MID1: variants seen among roughly 807,000 people sequenced by gnomAD.
The protein encoded by MID1 is E3 ubiquitin-protein ligase Midline-1.
MID1 carries 7 observed loss-of-function variants against 40.4 expected under a neutral mutation model. The observed-to-expected ratio is 0.17, with a 90% CI of 0.10 to 0.33. The LOEUF (loss-of-function observed/expected upper bound fraction) is 0.33. Among genes scored for constraint, MID1 ranks in the 10% least tolerant of loss-of-function variants. The probability of loss-of-function intolerance (pLI) is 1.00; values close to 1 mark genes in which losing one functional copy is unlikely to be tolerated. For missense variants in MID1, 367 were observed against 558.5 expected (o/e 0.66, Z 3.46); for synonymous variants, 229 against 221.2 (o/e 1.04, Z -0.31).
At chrX:10,720,806 C>T (rs1367781928) in intron 1 of MID1, among the ~76,000 whole-genome samples, 2 of 110,019 alleles carry the variant, frequency 1.8e-5, no homozygotes, top group East Asian at 5.6e-4. Flanking sequence ...CCCAAATGTC[C>T]AACAATGATA....
At chrX:10,682,178 T>C (rs1277061888) in intron 1 of MID1, among the ~76,000 whole-genome samples, 1 of 111,307 alleles carries the variant, frequency 9.0e-6, no homozygotes, top group Non-Finnish European at 1.9e-5. Context: ...ATTTCTGTGA[T>C]GGGATTGCAA....
At chrX:10,817,610 T>C (rs746251997) in intron 1 of MID1, among the ~76,000 whole-genome samples, 4 of 104,817 alleles carry the variant, frequency 3.8e-5, no homozygotes. Flanking sequence ...CTTTTCTTTT[T>C]TCTTTCTTTC....
intron 1 of MID1, among the ~76,000 whole-genome samples, chrX:10,728,470 T>C (rs2043415198): frequency 8.9e-6 from 1 of 112,361 alleles, no homozygotes; most frequent in African/African-American, 3.2e-5. Context: ...AAAGGCATTT[T>C]GTTCCAGTCT....
chrX:10,552,606 A>C (rs754548006), intron 2 of MID1, among the ~76,000 whole-genome samples: 1 of 110,186 alleles, frequency 9.1e-6, no homozygotes, highest in Non-Finnish European at 1.9e-5. Flanking sequence ...TTTTTTTTCA[A>C]ATATTTTTGA....
intron 1 of MID1, among the ~76,000 whole-genome samples, chrX:10,597,038 CAA>C (rs907967511): frequency 7.7e-5 from 8 of 103,391 alleles, no homozygotes; most frequent in African/African-American, 2.1e-4. Context: ...ATGTTGAAGG[CAA>C]AAAAAAAGAG....
At chrX:10,481,920 G>A (rs187540061) in intron 5 of MID1, among the ~76,000 whole-genome samples, 323 of 112,101 alleles carry the variant, frequency 2.9e-3, no homozygotes, top group Non-Finnish European at 5.1e-3. Flanking sequence ...AGAATAAAGA[G>A]TATTTTAAAA....
intron 5 of MID1, among the ~76,000 whole-genome samples, chrX:10,475,553 C>A (rs1302761142): frequency 1.8e-5 from 2 of 111,947 alleles, no homozygotes; most frequent in South Asian, 3.7e-4. Context: ...CACTTTGATT[C>A]AAAAATGCAA....
chrX:10,483,000 ATCT>A (rs1367076386), intron 4 of MID1, among the ~76,000 whole-genome samples: 1 of 112,515 alleles, frequency 8.9e-6, no homozygotes, highest in Non-Finnish European at 1.9e-5. Flanking sequence ...TCTCAGGTTT[ATCT>A]TCTTTTCATC....
intron 1 of MID1, among the ~76,000 whole-genome samples, chrX:10,776,821 TAAAC>T (rs2043805770): frequency 8.9e-6 from 1 of 111,968 alleles, no homozygotes; most frequent in South Asian, 3.7e-4. Context: ...AACAGGAAAA[TAAAC>T]AGTTAAATGA....
At chrX:10,572,685 A>G (rs913298991) in intron 1 of MID1, among the ~76,000 whole-genome samples, 1 of 111,979 alleles carries the variant, frequency 8.9e-6, no homozygotes, top group African/African-American at 3.2e-5. Flanking sequence ...CAATAAAAGG[A>G]AATCACACAT....
rs759219629 is a variant in MID1, at chrX:10,774,818, C to A, written c.-187+58736G>T. Among the ~76,000 whole-genome samples, 11 of 111,554 alleles carry A rather than the reference C, an allele frequency of 9.9e-5. No individual in the cohort carries two copies. The South Asian group carries it at 3.8e-3, about 38-fold the overall frequency. On this transcript the variant is annotated intron_variant, in intron 1 of 10. Transcript: ENST00000380785. ...GGTAGTCAAAGTCTTTCGTCAAATT[C>A]TGAAGGGGGCTTCTAAGCACTTTCA... is the stretch of plus-strand genomic sequence containing the variant.
rs966793959 is a variant in MID1, at chrX:10,540,766, A to T, written c.661-17579T>A. On this transcript the variant is annotated intron_variant, in intron 2 of 9. Transcript: ENST00000317552. ...AAGACTCATGAATTCCCTTAAAAGG[A>T]AAGCATCCTTAGGACAAGACCCAGG... 4.5e-5 allele frequency among the ~76,000 whole-genome samples: 5 copies of T among 112,041 alleles called. No homozygotes were observed. In the Admixed American group the frequency reaches 4.7e-4, roughly 11 times the overall value.
chrX:10,567,240 T>C lies in MID1; in HGVS notation c.308A>G (p.Glu103Gly), dbSNP rs1934587328. 2 of 1,206,990 alleles carry C rather than the reference T, an allele frequency of 1.7e-6. No individual in the cohort carries two copies. Among genetic ancestry groups the C allele is most frequent in the Non-Finnish European group, 2.2e-6 (2 of 893,261 alleles). Residue 103 changes from glutamate (E) to glycine (G), a missense_variant, in exon 2 of 10, where the codon GAG becomes GGG. Physicochemically the swap from Glu to Gly is moderately conservative, Grantham distance 98. This residue lies in a region of MID1 where 78 missense variants were observed against 112.6 expected (regional missense o/e 0.69). Transcript: ENST00000317552. Reference sequence around the variant, plus strand: ...CATGGTGTTGGCGTCAAAGGCCCGCTCCCGACGGGTCTCGCTGGGAGAGTT... The same window carrying C: ...CATGGTGTTGGCGTCAAAGGCCCGCCCCCGACGGGTCTCGCTGGGAGAGTT... ...GPNSPSETRR[E>G]RAFDANTMTS... is the part of the protein sequence containing the mutation.
At chrX:10,651,657 G>A (rs755924970) in intron 1 of MID1, among the ~76,000 whole-genome samples, 3 of 112,214 alleles carry the variant, frequency 2.7e-5, no homozygotes, top group East Asian at 2.8e-4. Context: ...ACAGGGTCTC[G>A]CTCTGTTGTC....
intron 1 of MID1, among the ~76,000 whole-genome samples, chrX:10,611,312 A>G (rs1935733155): frequency 8.9e-6 from 1 of 112,544 alleles, no homozygotes; most frequent in Admixed American, 9.4e-5. Context: ...AGTGATATAA[A>G]GTATTAAATG....
intron 7 of MID1, among the ~76,000 whole-genome samples, chrX:10,465,260 C>CACACACACACAT (rs1292370523): frequency 2.4e-4 from 22 of 92,410 alleles, no homozygotes; most frequent in African/African-American, 7.4e-4. Flanking sequence ...CACACACACA[C>CACACACACACAT]ATACATATAT....
chrX:10,737,615 T>A (rs1287144341), intron 1 of MID1, among the ~76,000 whole-genome samples: 2 of 70,872 alleles, frequency 2.8e-5, no homozygotes, highest in African/African-American at 1.2e-4. Context: ...AAGAAGAAAG[T>A]GAAAGGGGGT....
At chrX:10,721,018 A>G (rs1251907690) in intron 1 of MID1, among the ~76,000 whole-genome samples, 30 of 103,842 alleles carry the variant, frequency 2.9e-4, no homozygotes, top group African/African-American at 8.2e-4. Flanking sequence ...TGGACACAGG[A>G]AGGGGAACAT....
At chrX:10,539,222 G>T (rs1427300041) in intron 2 of MID1, among the ~76,000 whole-genome samples, 1 of 111,899 alleles carries the variant, frequency 8.9e-6, no homozygotes, top group Non-Finnish European at 1.9e-5. Context: ...GTACTATCAA[G>T]ATAATAGCAA....
Sources: gnomAD v4.1 joint callset for allele counts (sites outside exome capture counted in the v4.1 genomes callset) on GRCh38, gnomAD v4.1.1 for gene constraint, gnomAD v4.1.1 regional missense constraint, MANE v1.5 for transcripts, NCBI Gene and HGNC (gene_info 2026-07-23, HGNC 2026-07-21) for gene names.